The following ZFHX3 variants were observed in gnomAD, a reference collection of about 807,000 sequenced individuals.
ZFHX3 encodes the protein zinc finger homeobox 3, also known as zinc finger homeobox protein 3.
A neutral mutation model predicts 279.1 loss-of-function variants in ZFHX3; 42 were observed. The observed-to-expected ratio is 0.15, with a 90% confidence interval of 0.12 to 0.19. ZFHX3 has a LOEUF of 0.19. Among genes scored for constraint, ZFHX3 ranks in the 10% least tolerant of loss-of-function variants. The pLI, the probability that ZFHX3 is intolerant of heterozygous loss-of-function variation, is 1.00. For synonymous variants in ZFHX3, 2,293 were observed against 1,957.8 expected (o/e 1.17, Z -4.52); for missense variants, 4,981 against 4,754.0 (o/e 1.05, Z -1.40).
intron 1 of ZFHX3, among the ~76,000 whole-genome samples, chr16:73,779,746 T>A (rs567900892): frequency 1.3e-5 from 2 of 152,118 alleles, no homozygotes; most frequent in African/African-American, 4.8e-5. Context: ...TGAGAAAGAG[T>A]CTCGTTCTGT....
intron 4 of ZFHX3, among the ~76,000 whole-genome samples, chr16:72,844,864 G>A (rs1419834405): frequency 1.4e-5 from 2 of 140,990 alleles, no homozygotes; most frequent in African/African-American, 2.6e-5. Flanking sequence ...ACCCTGCCCC[G>A]CCCCCTCCCC....
At chr16:73,598,135 G>A (rs905545914) in intron 2 of ZFHX3, among the ~76,000 whole-genome samples, 11 of 152,160 alleles carry the variant, frequency 7.2e-5, no homozygotes, top group African/African-American at 2.7e-4. Flanking sequence ...GTGCAGTTCA[G>A]AAGGGAGGGA....
chr16:73,615,183 G>C (rs1047588218), intron 2 of ZFHX3, among the ~76,000 whole-genome samples: 1 of 151,762 alleles, frequency 6.6e-6, no homozygotes, highest in Non-Finnish European at 1.5e-5. Context: ...AGGGGCCCCG[G>C]GCAGGAGTTT....
At chr16:73,662,494 CT>C (rs11312940) in intron 2 of ZFHX3, among the ~76,000 whole-genome samples, 92,584 of 151,838 alleles carry the variant, frequency 0.61, 29,545 homozygotes, top group East Asian at 0.83. Flanking sequence ...CCATACCCCC[CT>C]AGGATGATGT....
rs190630380 is a variant in ZFHX3, at chr16:72,788,061, G to T, written c.10215C>A (p.Pro3405=). The T allele has an allele frequency of 6.8e-6, 11 of 1,611,094 alleles. No homozygotes were observed. The South Asian group carries it at 7.7e-5, about 11-fold the overall frequency. Residue 3405 remains proline (P), a synonymous_variant, in exon 10 of 10, where the codon CCC becomes CCA. Transcript: ENST00000268489. The part of the protein sequence containing the change: ...QPKASQTPVP[P]GAPSPDKDPA... The stretch of plus-strand genomic sequence containing the variant: ...GGTCTTTGTCTGGGGAAGGAGCCCC[G>T]GGGGGGACTGGGGTTTGGCTTGCTT...
intron 1 of ZFHX3, among the ~76,000 whole-genome samples, chr16:73,055,679 C>G (rs1965532281): frequency 1.3e-5 from 1 of 79,834 alleles, no homozygotes; most frequent in Non-Finnish European, 2.4e-5. Flanking sequence ...TGCAGACGTA[C>G]GCGCGCGCGC....
chr16:73,273,009 A>G (rs1421036589), intron 4 of ZFHX3, among the ~76,000 whole-genome samples: 1 of 152,154 alleles, frequency 6.6e-6, no homozygotes, highest in East Asian at 1.9e-4. Context: ...AGTCTCTCAA[A>G]GTGCTGAGAT....
In ZFHX3 at chr16:72,787,886, T is replaced by C. The variant is rs2035502476; in HGVS notation, c.10390A>G (p.Lys3464Glu). The change falls in exon 10 of 10, where the codon AAG (lysine) becomes GAG (glutamate). Residue 3464 changes from lysine to glutamate, a missense_variant. By Grantham distance (56) the Lys-to-Glu change is moderately conservative. Transcript: ENST00000268489. ...GCCTGGCACTTGCGGCAGACCAACT[T>C]GTACTGCACCTTTGGAACAATGAAG... is the stretch of plus-strand genomic sequence containing the variant. Reference protein sequence around the residue: ...DPFIVPKVQYKLVCRKCQAGF... With the variant: ...DPFIVPKVQYELVCRKCQAGF... 3.7e-6 allele frequency: 6 copies of C among 1,613,958 alleles called. No individual in the cohort carries two copies. Among genetic ancestry groups the C allele is most frequent in the Non-Finnish European group, 5.1e-6 (6 of 1,179,996 alleles).
chr16:72,814,609 CTT>C (rs11295655), intron 5 of ZFHX3, among the ~76,000 whole-genome samples: 181 of 142,584 alleles, frequency 1.3e-3, no homozygotes, highest in Middle Eastern at 7.3e-3. Context: ...AGGGGAACTT[CTT>C]TTTTTTTTTT....
At chr16:73,641,992 C>T (rs999192733) in intron 2 of ZFHX3, among the ~76,000 whole-genome samples, 2 of 152,010 alleles carry the variant, frequency 1.3e-5, no homozygotes, top group African/African-American at 4.8e-5. Flanking sequence ...GCTCCTCCGA[C>T]TCCTCCCTGC....
chr16:73,550,588 C>A (rs1433132822), intron 2 of ZFHX3, among the ~76,000 whole-genome samples: 1 of 152,200 alleles, frequency 6.6e-6, no homozygotes, highest in Non-Finnish European at 1.5e-5. Flanking sequence ...AGTTTTTCAA[C>A]AATGAGGTCA....
intron 1 of ZFHX3, among the ~76,000 whole-genome samples, chr16:73,837,048 A>C (rs565266281): frequency 1.7e-4 from 26 of 152,328 alleles, no homozygotes; most frequent in African/African-American, 6.0e-4. Flanking sequence ...TGAGCCAAAT[A>C]AACTTATTTT....
At chr16:72,788,920 C>T (rs542386944) in intron 9 of ZFHX3, 72 bp from the exon 10 acceptor site, 31 of 1,496,600 alleles carry the variant, frequency 2.1e-5, no homozygotes, top group East Asian at 4.6e-5. Flanking sequence ...GACGTTTTAC[C>T]GGTGTCACTG....
rs2143209298 is a variant in ZFHX3, at chr16:72,783,928, A to G, written c.*3236T>C. The G allele has an allele frequency of 6.6e-6, 1 of 152,386 alleles. No homozygotes were observed. Among genetic ancestry groups the G allele is most frequent in the Non-Finnish European group, 1.5e-5 (1 of 68,048 alleles). 9.4% of individuals were successfully genotyped at this position (152,386 alleles called of 1,614,324 possible). On this transcript the variant is annotated 3_prime_UTR_variant, in exon 10 of 10. Transcript: ENST00000268489. ...TAGCCACGATGGCTGTCAGCCCACAAACATCTAACTCATGTTTGACCTCTA... is the reference window on the plus strand; with the variant it reads ...TAGCCACGATGGCTGTCAGCCCACAGACATCTAACTCATGTTTGACCTCTA...
intron 2 of ZFHX3, among the ~76,000 whole-genome samples, chr16:73,585,445 G>A (rs183951605): frequency 1.4e-4 from 21 of 152,250 alleles, no homozygotes; most frequent in Non-Finnish European, 4.4e-5. Context: ...ACTGGGGCTT[G>A]TCGGGAGGTG....
intron 1 of ZFHX3, among the ~76,000 whole-genome samples, chr16:72,967,570 T>TTCA (rs934498830): frequency 3.3e-5 from 5 of 152,068 alleles, no homozygotes; most frequent in African/African-American, 4.8e-5. Context: ...CATCATCATC[T>TTCA]TCATCATCAT....
At chr16:73,795,209 T>C (rs963628561) in intron 1 of ZFHX3, among the ~76,000 whole-genome samples, 3 of 152,236 alleles carry the variant, frequency 2.0e-5, no homozygotes, top group Non-Finnish European at 4.4e-5. Flanking sequence ...CATCTGGCTC[T>C]GATACATATG....
intron 4 of ZFHX3, among the ~76,000 whole-genome samples, chr16:73,274,875 A>G (rs1415107379): frequency 6.6e-6 from 1 of 152,240 alleles, no homozygotes; most frequent in Non-Finnish European, 1.5e-5. Flanking sequence ...AATATTCTAT[A>G]TGACATCTGG....
chr16:73,010,319 T>C (rs1412639306), intron 1 of ZFHX3, among the ~76,000 whole-genome samples: 1 of 152,104 alleles, frequency 6.6e-6, no homozygotes, highest in African/African-American at 2.4e-5. Context: ...CGTTCCCCAT[T>C]CATCCCCACG....
Sources: gnomAD v4.1 joint callset for allele counts (sites outside exome capture counted in the v4.1 genomes callset) on GRCh38, gnomAD v4.1.1 for gene constraint, MANE v1.5 for transcripts, NCBI Gene and HGNC (gene_info 2026-07-23, HGNC 2026-07-21) for gene names.